The following TAF6 variants were observed in gnomAD, a reference collection of about 807,000 sequenced individuals.
The protein encoded by TAF6 is TATA-box binding protein associated factor 6.
Under a neutral mutation model 73.5 loss-of-function variants are expected in TAF6, and 50 were observed. The ratio of observed to expected loss-of-function variants is 0.68; its 90% CI spans 0.54 to 0.86. The LOEUF (loss-of-function observed/expected upper bound fraction) is 0.86. TAF6 is among the 40% of genes least tolerant of loss of function. The pLI is 0.00. For missense variants in TAF6, 768 were observed against 899.5 expected (o/e 0.85, Z 1.87); for synonymous variants, 424 against 376.7 (o/e 1.13, Z -1.45).
chr7:100,107,906 T>C lies in TAF6; in HGVS notation c.1656+20A>G, dbSNP rs773324756. The C allele has an allele frequency of 1.9e-6, 3 of 1,587,542 alleles. No homozygotes were observed. Among genetic ancestry groups the C allele is most frequent in the Admixed American group, 1.7e-5 (1 of 58,738 alleles). On this transcript the variant is annotated intron_variant, in intron 14 of 14. Coordinates refer to ENST00000453269, the MANE Select transcript of TAF6 (RefSeq NM_139315.3). ...TAACCCAGGCCCTCCAGATGCTCCC[T>C]GTCCCACAGCTCTGCATACCTGCTG...
Position 100,107,380 on chromosome 7 carries a change from A to G in TAF6, c.1900T>C (p.Ser634Pro), listed in dbSNP as rs1421255800. The G allele has an allele frequency of 1.3e-6, 2 of 1,590,684 alleles. No individual in the cohort carries two copies. Among genetic ancestry groups the G allele is most frequent in the Non-Finnish European group, 1.7e-6 (2 of 1,165,914 alleles). The change falls in exon 15 of 15, where the codon TCC (serine) becomes CCC (proline). Residue 634 changes from serine (S) to proline (P), a missense_variant. Coordinates refer to ENST00000453269, the MANE Select transcript of TAF6 (RefSeq NM_139315.3). ...GCACTGCCGCTGAGTGGGGACGGGG[A>G]CGATGCCGGGGGAGGAACTGGAGAA... ...HPSPVPPPAS[S>P]PSPLSGSALC...
intron 12 of TAF6, chr7:100,108,912 T>A (rs1796871807): frequency 1.8e-5 from 3 of 170,028 alleles, no homozygotes; most frequent in African/African-American, 7.2e-5. Context: ...TAGTCCCAGC[T>A]ACTGGGGAGG....
At chr7:100,124,684 C>T (rs1441093897), upstream of TAF6, 8 of 1,613,000 alleles carry the variant, frequency 5.0e-6, no homozygotes, top group Non-Finnish European at 5.9e-6. Flanking sequence ...TCCCCTGCCT[C>T]CAGGACTAAT....
At chr7:100,124,581 C>T (rs746474438), upstream of TAF6, 10 of 1,613,016 alleles carry the variant, frequency 6.2e-6, no homozygotes, top group South Asian at 2.2e-5. Context: ...CAGGAGCAGC[C>T]CCTACAAAAT....
chr7:100,112,646 T>G (rs1584553996), intron 6 of TAF6, 152 bp downstream of exon 6: 1 of 1,095,554 alleles, frequency 9.1e-7, no homozygotes. Context: ...ACCCTGGAGG[T>G]GGAGGTTGCA....
At chr7:100,117,809 G>A (rs1167254842) in intron 1 of TAF6, among the ~76,000 whole-genome samples, 5 of 150,764 alleles carry the variant, frequency 3.3e-5, no homozygotes, top group South Asian at 4.2e-4. Context: ...TTGGGAGGCC[G>A]AGGCGGGCGG....
At chr7:100,111,359 G>A (rs552366371) in intron 9 of TAF6, 38 bp from the exon 10 acceptor site, 2 of 1,595,692 alleles carry the variant, frequency 1.3e-6, no homozygotes, top group Non-Finnish European at 1.7e-6. Flanking sequence ...TTCTGGTTTT[G>A]TTTGTCTGCT....
rs949465818 is a variant in TAF6, at chr7:100,108,261, C to G, written c.1458+106G>C. On this transcript the variant is annotated intron_variant, in intron 13 of 14. Coordinates refer to ENST00000453269, the MANE Select transcript of TAF6 (RefSeq NM_139315.3). ...GCATCCTCACTCAGGGCCTGGTTGCCCTGAGACTACTGACTGAGGGCACAT... is the reference window on the plus strand; with the variant it reads ...GCATCCTCACTCAGGGCCTGGTTGCGCTGAGACTACTGACTGAGGGCACAT... 2.9e-5 allele frequency: 43 copies of G among 1,475,362 alleles called. No homozygotes were observed. The African/African-American group carries it at 5.9e-4, about 20-fold the overall frequency. 91.4% of individuals were successfully genotyped at this position (1,475,362 alleles called of 1,614,324 possible).
In TAF6 at chr7:100,112,136, C is replaced by G; in HGVS notation, c.692G>C (p.Cys231Ser). Residue 231 changes from cysteine to serine, a missense_variant, in exon 7 of 15, where the codon TGC (cysteine) becomes TCC (serine). This residue lies in a region of TAF6 where 78 missense variants were observed against 153.4 expected (regional missense o/e 0.51). Transcript: ENST00000453269. ...CCTCTTGGCCTCGCAGGAGCCCACGCAGGCCTCGGTGATCTCCTTGTAGTA... is the reference window on the plus strand; with the variant it reads ...CCTCTTGGCCTCGCAGGAGCCCACGGAGGCCTCGGTGATCTCCTTGTAGTA... ...QLYYKEITEA[C>S]VGSCEAKRAE... The G allele has an allele frequency of 6.2e-7, 1 of 1,613,908 alleles. No individual in the cohort carries two copies. Among genetic ancestry groups the G allele is most frequent in the Non-Finnish European group, 8.5e-7 (1 of 1,179,906 alleles).
chr7:100,124,136 CAA>C (rs796657885), upstream of TAF6, among the ~76,000 whole-genome samples: 6 of 127,276 alleles, frequency 4.7e-5, no homozygotes, highest in Admixed American at 8.1e-5. Context: ...GACTCCATCT[CAA>C]AAAAAAAAAA....
upstream of TAF6, chr7:100,119,681 G>A (rs764940643): frequency 6.8e-6 from 11 of 1,612,204 alleles, no homozygotes; most frequent in East Asian, 2.2e-5. Context: ...GGGAATTTAA[G>A]GGACCCACAC....
Position 100,110,270 on chromosome 7 carries a change from C to G in TAF6, c.1088G>C (p.Trp363Ser). The G allele has an allele frequency of 6.2e-7, 1 of 1,614,038 alleles. No individual in the cohort carries two copies. The highest frequency in any genetic ancestry group is 2.2e-5 in the East Asian group (1 of 44,882). Residue 363 changes from tryptophan to serine, a missense_variant, in exon 11 of 15, where the codon TGG becomes TCG. This residue lies in a region of TAF6 where 69 missense variants were observed against 105.4 expected (regional missense o/e 0.65). Transcript: ENST00000453269. ...CGTCCAGGGCGTCTTCTCGTCCACCCAGCTCTGTAAGGGGAAGGAAATAAA... is the reference window on the plus strand; with the variant it reads ...CGTCCAGGGCGTCTTCTCGTCCACCGAGCTCTGTAAGGGGAAGGAAATAAA... The part of the protein sequence containing the change: ...SRITKTFTKS[W>S]VDEKTPWTTR...
chr7:100,121,112 A>ATTTTTTTTTTTTT (rs1798040006), upstream of TAF6: 2 of 30,710 alleles, frequency 6.5e-5, no homozygotes, highest in Non-Finnish European at 1.2e-4. Flanking sequence ...ATATATATAT[A>ATTTTTTTTTTTTT]TATATTTTTT....
upstream of TAF6, among the ~76,000 whole-genome samples, chr7:100,123,302 A>G (rs1045409408): frequency 6.6e-6 from 1 of 151,888 alleles, no homozygotes; most frequent in African/African-American, 2.4e-5. Flanking sequence ...AGATCGCACC[A>G]TTGCACTCCA....
intron 1 of TAF6, among the ~76,000 whole-genome samples, chr7:100,114,734 A>G (rs997176833): frequency 2.7e-5 from 4 of 150,492 alleles, no homozygotes; most frequent in Non-Finnish European, 5.9e-5. Flanking sequence ...AAAAATCTGG[A>G]CTGGGCCTAG....
chr7:100,109,898 AC>A, intron 12 of TAF6, 49 bp downstream of exon 12: 1 of 1,602,962 alleles, frequency 6.2e-7, no homozygotes, highest in South Asian at 1.1e-5. Flanking sequence ...TGCTTGCTAA[AC>A]ACTGCCTGTG....
At chr7:100,123,589 C>T (rs1366106870), upstream of TAF6, among the ~76,000 whole-genome samples, 1 of 151,982 alleles carries the variant, frequency 6.6e-6, no homozygotes, top group Non-Finnish European at 1.5e-5. Context: ...GGCACCATCT[C>T]GGCTCACCGC....
upstream of TAF6, among the ~76,000 whole-genome samples, chr7:100,123,115 G>A (rs1798117197): frequency 6.6e-6 from 1 of 152,098 alleles, no homozygotes; most frequent in Non-Finnish European, 1.5e-5. Context: ...GCTGAGGCAG[G>A]TGGATCACCT....
At chr7:100,125,836 G>C in the TAF6 span, among the ~76,000 whole-genome samples, 1 of 152,134 alleles carries the variant, frequency 6.6e-6, no homozygotes, top group Non-Finnish European at 1.5e-5. Flanking sequence ...CTGAGTGTAG[G>C]AGTTCGAGAG....
Sources: allele counts gnomAD v4.1 joint callset (sites outside exome capture counted in the v4.1 genomes callset), GRCh38; gene constraint gnomAD v4.1.1; regional missense constraint gnomAD v4.1.1; transcripts MANE v1.5; gene names NCBI Gene and HGNC (gene_info 2026-07-23, HGNC 2026-07-21).